The following BLTP3A variants were observed in gnomAD, a reference collection of about 807,000 sequenced individuals.
BLTP3A encodes the protein ICBP90 binding protein 1.
At chr6:34,823,389 G>T in the BLTP3A span, 1 of 1,508,792 alleles carries the variant, frequency 6.6e-7, no homozygotes, top group Non-Finnish European at 9.2e-7. Context: ...CATATTAATT[G>T]CTCCAGATCC....
the BLTP3A span, among the ~76,000 whole-genome samples, chr6:34,810,000 CA>C: frequency 6.6e-6 from 1 of 152,142 alleles, no homozygotes; most frequent in Non-Finnish European, 1.5e-5. Flanking sequence ...TTCAGAAAAT[CA>C]TAAGGAAGAT....
chr6:34,835,451 C>G, the BLTP3A span: 1 of 1,614,120 alleles, frequency 6.2e-7, no homozygotes, highest in South Asian at 1.1e-5. Context: ...AGCCTGGCCC[C>G]TGAACCTGTG....
chr6:34,862,650 C>T, the BLTP3A span, among the ~76,000 whole-genome samples: 5 of 151,696 alleles, frequency 3.3e-5, no homozygotes, highest in Admixed American at 6.6e-5. Flanking sequence ...CTGGCTAACA[C>T]GGTGAAACCC....
the BLTP3A span, among the ~76,000 whole-genome samples, chr6:34,796,009 G>A: frequency 3.3e-5 from 5 of 152,306 alleles, no homozygotes; most frequent in African/African-American, 1.2e-4. Context: ...TCTCTGTGTA[G>A]TCTTTACCAC....
the BLTP3A span, among the ~76,000 whole-genome samples, chr6:34,852,519 TCC>T: frequency 6.6e-6 from 1 of 151,284 alleles, no homozygotes; most frequent in African/African-American, 2.4e-5. Flanking sequence ...CAAGACAAAG[TCC>T]CCTGTATTCG....
the BLTP3A span, chr6:34,867,342 C>G: frequency 6.2e-7 from 1 of 1,614,160 alleles, no homozygotes; most frequent in Non-Finnish European, 8.5e-7. Flanking sequence ...GCCAACAGTT[C>G]AGTTTCACCC....
chr6:34,858,212 A>G, the BLTP3A span: 8 of 1,613,996 alleles, frequency 5.0e-6, no homozygotes, highest in Admixed American at 6.7e-5. Flanking sequence ...ATTGCCACCA[A>G]TACACGTCAT....
At chr6:34,859,435 G>T in the BLTP3A span, 1 of 1,614,026 alleles carries the variant, frequency 6.2e-7, no homozygotes, top group Admixed American at 1.7e-5. Context: ...CATGACCAAG[G>T]ATGCCACCAA....
At chr6:34,822,094 A>G in the BLTP3A span, 1 of 1,037,480 alleles carries the variant, frequency 9.6e-7, no homozygotes, top group Non-Finnish European at 1.4e-6. Context: ...TCTCTCTGAG[A>G]CAGTGTGACT....
chr6:34,826,690 T>G, the BLTP3A span, among the ~76,000 whole-genome samples: 1 of 152,332 alleles, frequency 6.6e-6, no homozygotes, highest in Non-Finnish European at 1.5e-5. Flanking sequence ...ATACATGTTT[T>G]TTTTGTATGT....
At chr6:34,851,979 G>C in the BLTP3A span, among the ~76,000 whole-genome samples, 2 of 152,138 alleles carry the variant, frequency 1.3e-5, no homozygotes, top group African/African-American at 4.8e-5. Context: ...CAGTCAGCTT[G>C]TGGTGAATGC....
At chr6:34,873,901 C>T in the BLTP3A span, 1 of 152,722 alleles carries the variant, frequency 6.5e-6, no homozygotes, top group Non-Finnish European at 1.5e-5. Context: ...TGTTCCTTCT[C>T]CACTCTCAAC....
At chr6:34,847,550 A>C in the BLTP3A span, among the ~76,000 whole-genome samples, 26 of 152,048 alleles carry the variant, frequency 1.7e-4, no homozygotes, top group Non-Finnish European at 2.9e-4. Context: ...TATATAGCTA[A>C]GCATTTATCC....
the BLTP3A span, among the ~76,000 whole-genome samples, chr6:34,823,557 C>T: frequency 0.5 from 64,295 of 128,506 alleles, 15,983 homozygotes; most frequent in African/African-American, 0.72. Flanking sequence ...TTTTTTTTTT[C>T]CCTGGGATAG....
chr6:34,835,116 C>CT, the BLTP3A span, among the ~76,000 whole-genome samples: 4 of 151,028 alleles, frequency 2.6e-5, no homozygotes, highest in Admixed American at 6.6e-5. Flanking sequence ...TTGACTATTG[C>CT]TTTTTTTTTA....
At chr6:34,864,985 CTATT>C in the BLTP3A span, among the ~76,000 whole-genome samples, 1,056 of 151,948 alleles carry the variant, frequency 6.9e-3, 11 homozygotes, top group African/African-American at 0.024. Flanking sequence ...AGAGAATGTC[CTATT>C]TATTTATTTA....
chr6:34,829,027 CAAAAAAAAA>C, the BLTP3A span, among the ~76,000 whole-genome samples: 1,157 of 50,824 alleles, frequency 0.023, 12 homozygotes, highest in Non-Finnish European at 0.033. Flanking sequence ...AACTCCATCT[CAAAAAAAAA>C]AAAAAAAAAA....
At chr6:34,834,590 G>A in the BLTP3A span, 1 of 1,391,104 alleles carries the variant, frequency 7.2e-7, no homozygotes, top group Non-Finnish European at 9.8e-7. Context: ...CCAATTCACT[G>A]CTTTTTCTTG....
the BLTP3A span, among the ~76,000 whole-genome samples, chr6:34,852,919 C>G: frequency 6.6e-6 from 1 of 152,130 alleles, no homozygotes; most frequent in Non-Finnish European, 1.5e-5. Flanking sequence ...GAATTCTGCC[C>G]TGTGTTGGCT....
Sources: gnomAD v4.1 joint callset for allele counts (sites outside exome capture counted in the v4.1 genomes callset) on GRCh38, gnomAD v4.1.1 for gene constraint, MANE v1.5 for transcripts, NCBI Gene and HGNC (gene_info 2026-07-23, HGNC 2026-07-21) for gene names.